ECPAS: variants seen among roughly 807,000 people sequenced by gnomAD.
ECPAS encodes Ecm29 proteasome adaptor and scaffold, also known as proteasome adapter and scaffold protein ECM29.
ECPAS carries 70 observed loss-of-function variants against 255.1 expected under a neutral mutation model. The ratio of observed to expected loss-of-function variants is 0.27; its 90% CI spans 0.23 to 0.33. ECPAS has a LOEUF of 0.33. Among genes scored for constraint, ECPAS ranks in the 10% least tolerant of loss-of-function variants. The pLI, the probability that ECPAS is intolerant of heterozygous loss-of-function variation, is 1.00. For synonymous variants in ECPAS, 784 were observed against 775.0 expected (o/e 1.01, Z -0.19); for missense variants, 1,817 against 2,206.4 (o/e 0.82, Z 3.54).
intron 2 of ECPAS, among the ~76,000 whole-genome samples, chr9:111,455,490 AG>A (rs1655610553): frequency 1.3e-5 from 2 of 152,102 alleles, no homozygotes; most frequent in African/African-American, 2.4e-5. Flanking sequence ...TCTCAGAAAA[AG>A]AAAGAAAGAA....
chr9:111,385,465 A>C, intron 32 of ECPAS, 23 bp from the exon 33 acceptor site: 1 of 1,291,710 alleles, frequency 7.7e-7, no homozygotes, highest in Non-Finnish European at 1.1e-6. Context: ...ATTTCATTTC[A>C]ATATATGATG....
intron 1 of ECPAS, among the ~76,000 whole-genome samples, chr9:111,475,736 CAA>C (rs1285853583): frequency 3.2e-5 from 3 of 94,140 alleles, no homozygotes; most frequent in Admixed American, 1.1e-4. Flanking sequence ...ACTCTAGTTT[CAA>C]AAAAAAAAAA....
chr9:111,385,755 G>C (rs1223984557), intron 32 of ECPAS, among the ~76,000 whole-genome samples: 1 of 152,120 alleles, frequency 6.6e-6, no homozygotes, highest in Non-Finnish European at 1.5e-5. Context: ...AATCTAACTT[G>C]TATACAGAAA....
chr9:111,421,807 C>T (rs1475940092), intron 15 of ECPAS, 114 bp downstream of exon 15: 2 of 1,238,122 alleles, frequency 1.6e-6, no homozygotes, highest in Non-Finnish European at 2.2e-6. Context: ...TCCTAAATCA[C>T]AGCCCAAGTG....
chr9:111,437,059 C>G lies in ECPAS; in HGVS notation c.589G>C (p.Gly197Arg). ...CCTCCGCCACTGTTTGAAGAAGAAC[C>G]CTGTGCTGAAGATGAATTTTGGCGA... is the stretch of plus-strand genomic sequence containing the variant. Reference protein sequence around the residue: ...QSRQNSSSAQGSSSNSGGGSG... With the variant: ...QSRQNSSSAQRSSSNSGGGSG... Residue 197 changes from glycine (G) to arginine (R), a missense_variant, in exon 7 of 50, where the codon GGT becomes CGT. Gly to Arg is a moderately radical substitution (Grantham distance 125). Transcript: ENST00000684092. 1 of 1,612,236 alleles carries G rather than the reference C, an allele frequency of 6.2e-7. No homozygotes were observed. Among genetic ancestry groups the G allele is most frequent in the African/African-American group, 1.3e-5 (1 of 74,912 alleles).
Position 111,397,089 on chromosome 9 carries a change from C to G in ECPAS, c.2717G>C (p.Ser906Thr), listed in dbSNP as rs1003601145. The change falls in exon 25 of 50, where the codon AGT (serine) becomes ACT (threonine). Residue 906 changes from serine (S) to threonine (T), a missense_variant. Ser to Thr is a moderately conservative substitution (Grantham distance 58). Coordinates refer to ENST00000684092, the MANE Select transcript of ECPAS (RefSeq NM_001364929.1). ...CCAGGCATCTCGGGCAGCCACAGAA[C>G]TAGTTCCTATTGCAGCACTGGTAAT... is the stretch of plus-strand genomic sequence containing the variant. ...EAITSAAIGT[S>T]SVAARDAWQM... 7.4e-6 allele frequency: 12 copies of G among 1,613,816 alleles called. No individual in the cohort carries two copies. Among genetic ancestry groups the G allele is most frequent in the Non-Finnish European group, 1.0e-5 (12 of 1,179,848 alleles).
rs1247250210 is a variant in ECPAS at position 111,384,716 on chromosome 9, A to T, written c.3634-147T>A. ...ATCATGTTAAAAAAATTGGTATCTC[A>T]TCAGACTCTCTGCCCATCAAGGAAC... On this transcript the variant is annotated intron_variant, in intron 33 of 49. Coordinates refer to ENST00000684092, the MANE Select transcript of ECPAS (RefSeq NM_001364929.1). 16 of 670,454 alleles carry T rather than the reference A, an allele frequency of 2.4e-5. 1 individual carries two copies. The highest frequency in any genetic ancestry group is 2.0e-4 in the South Asian group (11 of 56,362). 41.5% of individuals were successfully genotyped at this position (670,454 alleles called of 1,614,324 possible).
chr9:111,383,049 T>C (rs750502747), intron 35 of ECPAS, among the ~76,000 whole-genome samples, 162 bp downstream of exon 35: 7 of 152,224 alleles, frequency 4.6e-5, no homozygotes, highest in Non-Finnish European at 1.0e-4. Flanking sequence ...CTCATGAGAA[T>C]GTTTCTGTGA....
At chr9:111,417,540 G>A (rs1232603753) in intron 17 of ECPAS, among the ~76,000 whole-genome samples, 1 of 152,124 alleles carries the variant, frequency 6.6e-6, no homozygotes, top group East Asian at 1.9e-4. Flanking sequence ...GAGGTCAGGA[G>A]TTCAAGACCA....
intron 2 of ECPAS, among the ~76,000 whole-genome samples, chr9:111,467,191 A>T (rs1281423199): frequency 6.6e-6 from 1 of 150,984 alleles, no homozygotes; most frequent in African/African-American, 2.4e-5. Context: ...AAAGCATGTT[A>T]AAAAAGAGAA....
At chr9:111,410,939 A>T in intron 22 of ECPAS, 41 bp downstream of exon 22, 1 of 1,551,490 alleles carries the variant, frequency 6.4e-7, no homozygotes, top group South Asian at 1.2e-5. Context: ...AACATAATTC[A>T]AAAACTGCAA....
chr9:111,377,688 C>T (rs531021777), intron 36 of ECPAS, among the ~76,000 whole-genome samples: 2 of 152,138 alleles, frequency 1.3e-5, no homozygotes, highest in African/African-American at 4.8e-5. Context: ...GGTTTGGTAG[C>T]CTATGACTAA....
At chr9:111,457,684 G>C (rs2098268587) in intron 2 of ECPAS, among the ~76,000 whole-genome samples, 1 of 152,182 alleles carries the variant, frequency 6.6e-6, no homozygotes, top group Non-Finnish European at 1.5e-5. Context: ...TTGCCCCAGA[G>C]TGAAGAAGAG....
In ECPAS at chr9:111,393,660, A is replaced by G. The variant is rs773841558; in HGVS notation, c.2977+20T>C. The G allele has an allele frequency of 1.4e-6, 2 of 1,466,918 alleles. No individual in the cohort carries two copies. The highest frequency in any genetic ancestry group is 1.9e-6 in the Non-Finnish European group (2 of 1,054,222). The allele number at this position is 1,466,918 out of a possible 1,614,324, so 90.9% of individuals were successfully genotyped here. A position where few individuals can be genotyped will look rare whatever the true frequency, so the allele number is the denominator to read the frequency against. On this transcript the variant is annotated intron_variant, in intron 27 of 49. Coordinates refer to ENST00000684092, the MANE Select transcript of ECPAS (RefSeq NM_001364929.1). ...AATACAAGTTCAATTAAGTTTAGAAATCAAATATTAACAACCTACCATCAT... is the reference window on the plus strand; with the variant it reads ...AATACAAGTTCAATTAAGTTTAGAAGTCAAATATTAACAACCTACCATCAT...
intron 9 of ECPAS, among the ~76,000 whole-genome samples, chr9:111,429,806 C>T (rs1205876507): frequency 1.3e-5 from 2 of 152,178 alleles, no homozygotes; most frequent in Non-Finnish European, 2.9e-5. Flanking sequence ...AAGTTCAAGT[C>T]CAGCCTAGGC....
rs779208586 is a variant in ECPAS at position 111,428,077 on chromosome 9, T to C, written c.1015A>G (p.Arg339Gly). 1 of 1,613,552 alleles carries C rather than the reference T, an allele frequency of 6.2e-7. No homozygotes were observed. Among genetic ancestry groups the C allele is most frequent in the African/African-American group, 1.3e-5 (1 of 74,918 alleles). The change falls in exon 10 of 50, where the codon AGA becomes GGA. Residue 339 changes from arginine to glycine, a missense_variant. Physicochemically the swap from Arg to Gly is moderately radical, Grantham distance 125. Coordinates refer to ENST00000684092, the MANE Select transcript of ECPAS (RefSeq NM_001364929.1). ...LKIVPHLLRS[R>G]QAAETFPANI... ...GCTGGGAACGTTTCAGCAGCTTGTC[T>C]AGAGCGGAGGAGATGGGGGACAATC...
chr9:111,380,950 A>G (rs1589124752), intron 35 of ECPAS, among the ~76,000 whole-genome samples: 1 of 152,234 alleles, frequency 6.6e-6, no homozygotes. Flanking sequence ...TTTGTGGCTG[A>G]TTTGATCTTC....
At chr9:111,382,008 A>AACAC (rs72204951) in intron 35 of ECPAS, among the ~76,000 whole-genome samples, 1,639 of 147,104 alleles carry the variant, frequency 0.011, 28 homozygotes, top group African/African-American at 0.033. Context: ...AATTTTGTAA[A>AACAC]ACACACACAC....
At chr9:111,444,340 T>C in intron 4 of ECPAS, 38 bp downstream of exon 4, 4 of 1,416,420 alleles carry the variant, frequency 2.8e-6, no homozygotes, top group East Asian at 4.6e-5. Flanking sequence ...GAAAGAAAAT[T>C]TGCTGTAAGT....
Sources: allele counts gnomAD v4.1 joint callset (sites outside exome capture counted in the v4.1 genomes callset), GRCh38; gene constraint gnomAD v4.1.1; transcripts MANE v1.5; gene names NCBI Gene and HGNC (gene_info 2026-07-23, HGNC 2026-07-21).